The following SLC24A2 variants were observed in gnomAD, a reference collection of about 807,000 sequenced individuals.
The protein encoded by SLC24A2 is solute carrier family 24 member 2.
Under a neutral mutation model 62.0 loss-of-function variants are expected in SLC24A2, and 36 were observed. The observed-to-expected ratio is 0.58, with a 90% CI of 0.44 to 0.77. SLC24A2 has a LOEUF of 0.77. Among genes scored for constraint, SLC24A2 ranks in the 30% least tolerant of loss-of-function variants. The pLI, the probability that SLC24A2 is intolerant of heterozygous loss-of-function variation, is 0.00. For missense variants in SLC24A2, 846 were observed against 817.9 expected (o/e 1.03, Z -0.42); for synonymous variants, 358 against 294.0 (o/e 1.22, Z -2.23).
At chr9:19,712,636 C>G (rs1041355024) in intron 2 of SLC24A2, among the ~76,000 whole-genome samples, 15 of 152,190 alleles carry the variant, frequency 9.9e-5, no homozygotes, top group African/African-American at 3.4e-4. Flanking sequence ...CTGCTTGTCA[C>G]TGTGCTCCAG....
chr9:19,841,863 A>T, the SLC24A2 span, among the ~76,000 whole-genome samples: 1 of 152,144 alleles, frequency 6.6e-6, no homozygotes, highest in Non-Finnish European at 1.5e-5. Context: ...AACACCAGCC[A>T]CCCTAGTGCT....
chr9:19,942,232 C>G, the SLC24A2 span, among the ~76,000 whole-genome samples: 4 of 152,276 alleles, frequency 2.6e-5, no homozygotes, highest in South Asian at 6.2e-4. Context: ...CCCGAGAATG[C>G]ATTTATAAGT....
chr9:20,028,062 C>T, the SLC24A2 span, among the ~76,000 whole-genome samples: 1 of 151,974 alleles, frequency 6.6e-6, no homozygotes, highest in Non-Finnish European at 1.5e-5. Context: ...CAGGGGAGAC[C>T]CCTGGAATAC....
intron 4 of SLC24A2, among the ~76,000 whole-genome samples, chr9:19,611,525 G>A (rs564235920): frequency 1.3e-5 from 2 of 152,156 alleles, no homozygotes; most frequent in South Asian, 4.2e-4. Flanking sequence ...CAGGGGTTCT[G>A]GGGCCGCTGT....
At chr9:19,567,483 T>G (rs1835701800) in intron 7 of SLC24A2, among the ~76,000 whole-genome samples, 1 of 147,014 alleles carries the variant, frequency 6.8e-6, no homozygotes, top group African/African-American at 2.6e-5. Context: ...GAGGCGGAGC[T>G]TGCAGTGAGC....
the SLC24A2 span, among the ~76,000 whole-genome samples, chr9:20,069,393 T>C: frequency 6.6e-6 from 1 of 152,228 alleles, no homozygotes; most frequent in Non-Finnish European, 1.5e-5. Context: ...TAATACCATA[T>C]ATAATTGGCT....
the SLC24A2 span, among the ~76,000 whole-genome samples, chr9:19,970,291 C>A: frequency 6.6e-6 from 1 of 152,148 alleles, no homozygotes; most frequent in East Asian, 1.9e-4. Flanking sequence ...GGAGAGTTAA[C>A]TGATAGCAGG....
the SLC24A2 span, among the ~76,000 whole-genome samples, chr9:19,895,441 T>C: frequency 6.6e-6 from 1 of 152,030 alleles, no homozygotes; most frequent in East Asian, 1.9e-4. Flanking sequence ...GCATTGTCAG[T>C]TCTGAGGGTA....
chr9:20,169,659 A>G, the SLC24A2 span, among the ~76,000 whole-genome samples: 1 of 151,942 alleles, frequency 6.6e-6, no homozygotes, highest in African/African-American at 2.4e-5. Flanking sequence ...GGAACACCCC[A>G]TGAAACAAAA....
the SLC24A2 span, among the ~76,000 whole-genome samples, chr9:19,830,238 T>G: frequency 6.6e-6 from 1 of 152,238 alleles, no homozygotes; most frequent in Non-Finnish European, 1.5e-5. Context: ...CACTTTGTTT[T>G]GTTTCACATA....
chr9:19,755,300 C>A (rs972140335), intron 2 of SLC24A2, among the ~76,000 whole-genome samples: 5 of 152,130 alleles, frequency 3.3e-5, no homozygotes, highest in Non-Finnish European at 5.9e-5. Context: ...TCTCATAGGA[C>A]CCTCTGTACA....
chr9:19,922,452 C>G, the SLC24A2 span, among the ~76,000 whole-genome samples: 1 of 152,150 alleles, frequency 6.6e-6, no homozygotes, highest in East Asian at 1.9e-4. Flanking sequence ...TCATGCCCAG[C>G]ATGCTCAATA....
the SLC24A2 span, among the ~76,000 whole-genome samples, chr9:20,038,878 TAGAA>T: frequency 4.6e-5 from 7 of 152,200 alleles, no homozygotes; most frequent in African/African-American, 1.4e-4. Context: ...AGAAAAGTCT[TAGAA>T]AGAGAAAATC....
chr9:20,238,141 C>G, the SLC24A2 span, among the ~76,000 whole-genome samples: 6 of 152,288 alleles, frequency 3.9e-5, no homozygotes, highest in African/African-American at 1.4e-4. Context: ...CCTGCCTATT[C>G]AGATTCAACT....
At chr9:19,763,764 T>C (rs931364999) in intron 2 of SLC24A2, among the ~76,000 whole-genome samples, 2 of 152,236 alleles carry the variant, frequency 1.3e-5, no homozygotes, top group African/African-American at 2.4e-5. Flanking sequence ...GATATTGGCC[T>C]GAAATTTTCT....
At chr9:20,284,558 A>G in the SLC24A2 span, among the ~76,000 whole-genome samples, 1 of 152,222 alleles carries the variant, frequency 6.6e-6, no homozygotes, top group Non-Finnish European at 1.5e-5. Context: ...AGTCAAGCCA[A>G]TGACTAAAGA....
chr9:19,752,908 T>C (rs1263451887), intron 2 of SLC24A2, among the ~76,000 whole-genome samples: 4 of 152,148 alleles, frequency 2.6e-5, no homozygotes, highest in African/African-American at 9.7e-5. Flanking sequence ...CCACCTGCAA[T>C]ACTAGGCTCC....
At chr9:20,289,343 C>T in the SLC24A2 span, among the ~76,000 whole-genome samples, 1 of 152,180 alleles carries the variant, frequency 6.6e-6, no homozygotes, top group Admixed American at 6.5e-5. Flanking sequence ...CTCCACCTCA[C>T]ATGCAAGAAA....
chr9:19,544,272 T>C (rs1834433688), intron 8 of SLC24A2, among the ~76,000 whole-genome samples: 2 of 151,268 alleles, frequency 1.3e-5, no homozygotes, highest in Non-Finnish European at 2.9e-5. Flanking sequence ...TTTTTTTCTT[T>C]CTATTTGCTT....
Sources: gnomAD v4.1 joint callset for allele counts (sites outside exome capture counted in the v4.1 genomes callset) on GRCh38, gnomAD v4.1.1 for gene constraint, MANE v1.5 for transcripts, NCBI Gene and HGNC (gene_info 2026-07-23, HGNC 2026-07-21) for gene names.